The following SCN8A variants were observed in gnomAD, a reference collection of about 807,000 sequenced individuals.
The protein encoded by SCN8A is sodium voltage-gated channel alpha subunit 8.
SCN8A carries 30 observed loss-of-function variants against 184.1 expected under a neutral mutation model. The observed-to-expected ratio is 0.16, with a 90% CI of 0.12 to 0.22. SCN8A has a LOEUF of 0.22. SCN8A is among the 10% of genes least tolerant of loss of function. SCN8A has a pLI of 1.00. For missense variants in SCN8A, 1,057 were observed against 2,498.9 expected (o/e 0.42, Z 12.30); for synonymous variants, 852 against 907.0 (o/e 0.94, Z 1.09).
intron 12 of SCN8A, among the ~76,000 whole-genome samples, chr12:51,743,434 C>T (rs1037226423): frequency 7.2e-5 from 11 of 152,182 alleles, no homozygotes; most frequent in Non-Finnish European, 1.5e-4. Context: ...CATAGAAATA[C>T]CACCTTGGTG....
chr12:51,810,880 G>A lies in SCN8A; in HGVS notation c.*3451G>A, dbSNP rs1938871798. 1 of 152,230 alleles carries A rather than the reference G, an allele frequency of 6.6e-6. No individual in the cohort carries two copies. Among genetic ancestry groups the A allele is most frequent in the Admixed American group, 6.5e-5 (1 of 15,282 alleles). 9.4% of individuals were successfully genotyped at this position (152,230 alleles called of 1,614,324 possible). On this transcript the variant is annotated 3_prime_UTR_variant, in exon 27 of 27. Transcript: ENST00000627620. ...CACTTTTGGCGTCAGAAGTTGACTG[G>A]AGAGAGATAAACAAACTCCCAGTCA...
At chr12:51,724,669 T>C (rs1942128491) in intron 12 of SCN8A, among the ~76,000 whole-genome samples, 1 of 152,154 alleles carries the variant, frequency 6.6e-6, no homozygotes, top group African/African-American at 2.4e-5. Flanking sequence ...ACATGGGCAG[T>C]AGAGTTGGGG....
chr12:51,769,854 C>A lies in SCN8A; in HGVS notation c.3373-14C>A. ...CTCAGAGCTGCCTGATCTCCCTTTTCCTTGCGTGTCTAGAAACTAGATGAC... is the reference window on the plus strand; with the variant it reads ...CTCAGAGCTGCCTGATCTCCCTTTTACTTGCGTGTCTAGAAACTAGATGAC... On this transcript the variant is annotated splice_polypyrimidine_tract_variant and intron_variant, in intron 17 of 26. Transcript: ENST00000627620. 6.4e-7 allele frequency: 1 copy of A among 1,555,534 alleles called. No homozygotes were observed. The highest frequency in any genetic ancestry group is 8.8e-7 in the Non-Finnish European group (1 of 1,141,514).
intron 1 of SCN8A, among the ~76,000 whole-genome samples, chr12:51,644,651 C>T (rs1434531770): frequency 6.6e-6 from 1 of 151,850 alleles, no homozygotes; most frequent in Admixed American, 6.6e-5. Context: ...TCTGCCCGGC[C>T]GCCACCCCGT....
intron 14 of SCN8A, among the ~76,000 whole-genome samples, chr12:51,754,529 T>TA (rs1346490619): frequency 6.6e-6 from 1 of 152,210 alleles, no homozygotes; most frequent in Non-Finnish European, 1.5e-5. Context: ...GCTTTTCCTA[T>TA]AGCCCTGATT....
intron 11 of SCN8A, chr12:51,713,581 C>T (rs1240627497): frequency 2.6e-5 from 18 of 695,236 alleles, no homozygotes; most frequent in Non-Finnish European, 4.4e-5. Flanking sequence ...GGACTGGGGG[C>T]GACCAGGCGG....
chr12:51,769,981 A>G lies in SCN8A; in HGVS notation c.3486A>G (p.Thr1162=). The part of the protein sequence containing the change: ...EEYLDPDACF[T]EGCVQRFKCC... ...ACTTGGATCCAGATGCCTGCTTCACAGAAGGTGAAAGGGGATGAGGAGCGG... is the reference window on the plus strand; with the variant it reads ...ACTTGGATCCAGATGCCTGCTTCACGGAAGGTGAAAGGGGATGAGGAGCGG... Residue 1162 remains threonine, a synonymous_variant, in exon 18 of 27, where the codon ACA becomes ACG. Coordinates refer to ENST00000627620, the MANE Select transcript of SCN8A (RefSeq NM_001330260.2). The G allele has an allele frequency of 1.3e-6, 2 of 1,583,066 alleles. No individual in the cohort carries two copies. Among genetic ancestry groups the G allele is most frequent in the East Asian group, 2.3e-5 (1 of 43,990 alleles).
At chr12:51,598,039 A>G (rs1215764748) in intron 1 of SCN8A, among the ~76,000 whole-genome samples, 1 of 152,228 alleles carries the variant, frequency 6.6e-6, no homozygotes, top group Non-Finnish European at 1.5e-5. Flanking sequence ...CATTTGCTAC[A>G]GATTTCTCAA....
At chr12:51,633,680 G>T (rs116323805) in intron 1 of SCN8A, among the ~76,000 whole-genome samples, 1 of 152,134 alleles carries the variant, frequency 6.6e-6, no homozygotes, top group African/African-American at 2.4e-5. Context: ...CTGTTGGATC[G>T]TTTCTGTACC....
intron 26 of SCN8A, among the ~76,000 whole-genome samples, chr12:51,805,997 T>A (rs1370000352): frequency 1.3e-5 from 2 of 152,098 alleles, no homozygotes; most frequent in Non-Finnish European, 2.9e-5. Context: ...CCCAGCTAAT[T>A]TTTTATTTTC....
chr12:51,764,888 C>T (rs1351221476), intron 15 of SCN8A, among the ~76,000 whole-genome samples: 2 of 151,524 alleles, frequency 1.3e-5, no homozygotes, highest in East Asian at 2.0e-4. Context: ...GATTGTCATG[C>T]CTCAGCCTCC....
At chr12:51,780,607 TTA>T in intron 20 of SCN8A, 40 bp from the exon 21 acceptor site, 1 of 365,248 alleles carries the variant, frequency 2.7e-6, no homozygotes, top group Non-Finnish European at 4.5e-6. Flanking sequence ...TTTTTTTTGG[TTA>T]CCTTTTTTGT....
intron 1 of SCN8A, among the ~76,000 whole-genome samples, chr12:51,613,721 A>G (rs1939772549): frequency 6.6e-6 from 1 of 151,980 alleles, no homozygotes; most frequent in South Asian, 2.1e-4. Context: ...TAATCTCTTA[A>G]TGCTACAAAT....
At chr12:51,797,266 T>C (rs1006346500) in intron 26 of SCN8A, among the ~76,000 whole-genome samples, 1 of 152,206 alleles carries the variant, frequency 6.6e-6, no homozygotes, top group African/African-American at 2.4e-5. Context: ...ACCTGAATGC[T>C]ATTACATAAA....
chr12:51,699,192 G>A (rs956018291), intron 6 of SCN8A, among the ~76,000 whole-genome samples: 1 of 152,198 alleles, frequency 6.6e-6, no homozygotes, highest in Non-Finnish European at 1.5e-5. Context: ...TAGGCACAGA[G>A]GACAAGATAA....
chr12:51,676,939 G>C (rs187335445), intron 2 of SCN8A, among the ~76,000 whole-genome samples: 3 of 152,120 alleles, frequency 2.0e-5, no homozygotes, highest in Non-Finnish European at 4.4e-5. Flanking sequence ...CAGCAAACCA[G>C]GGAATGGATA....
intron 1 of SCN8A, among the ~76,000 whole-genome samples, chr12:51,636,027 C>A (rs1455391746): frequency 1.3e-5 from 2 of 152,210 alleles, no homozygotes; most frequent in Admixed American, 6.5e-5. Context: ...CGCAATCTCG[C>A]TCTGTCGCCC....
chr12:51,607,672 C>A (rs1939625629), intron 1 of SCN8A, among the ~76,000 whole-genome samples: 1 of 152,150 alleles, frequency 6.6e-6, no homozygotes, highest in Non-Finnish European at 1.5e-5. Flanking sequence ...TTTTCTGCAT[C>A]TGTTGAGATG....
chr12:51,656,260 G>GA (rs368839549), intron 1 of SCN8A, among the ~76,000 whole-genome samples: 24 of 151,976 alleles, frequency 1.6e-4, no homozygotes, highest in African/African-American at 5.6e-4. Flanking sequence ...ATAACCACAG[G>GA]AAAAAAATGA....
Sources: gnomAD v4.1 joint callset for allele counts (sites outside exome capture counted in the v4.1 genomes callset) on GRCh38, gnomAD v4.1.1 for gene constraint, MANE v1.5 for transcripts, NCBI Gene and HGNC (gene_info 2026-07-23, HGNC 2026-07-21) for gene names.